SEMA4F: variants seen among roughly 807,000 people sequenced by gnomAD.
SEMA4F encodes ssemaphorin 4F.
SEMA4F carries 51 observed loss-of-function variants against 78.4 expected under a neutral mutation model. The ratio of observed to expected loss-of-function variants is 0.65; its 90% confidence interval spans 0.52 to 0.82. SEMA4F has a LOEUF of 0.82. SEMA4F is among the 40% of genes least tolerant of loss of function. The pLI, the probability that SEMA4F is intolerant of heterozygous loss-of-function variation, is 0.00. For missense variants in SEMA4F, 938 were observed against 1,014.4 expected, an observed-to-expected ratio of 0.92 and a Z score of 1.02; for synonymous variants, 418 against 408.7, an observed-to-expected ratio of 1.02 and a Z score of -0.27.
chr2:74,700,095 GGT>G, the SEMA4F span, among the ~76,000 whole-genome samples: 2 of 152,128 alleles, frequency 1.3e-5, no homozygotes, highest in East Asian at 3.9e-4. Context: ...CGGCTGACAT[GGT>G]CTTGAGGAAG....
At chr2:74,704,192 T>A in the SEMA4F span, among the ~76,000 whole-genome samples, 1 of 151,882 alleles carries the variant, frequency 6.6e-6, no homozygotes, top group Non-Finnish European at 1.5e-5. Flanking sequence ...AATTGGGGCC[T>A]TAGATGAGTC....
chr2:74,657,810 T>C (rs745675039), intron 3 of SEMA4F, 43 bp from the exon 4 acceptor site: 1 of 1,574,746 alleles, frequency 6.4e-7, no homozygotes, highest in East Asian at 2.2e-5. Context: ...CCCTTCCTCG[T>C]ACCTGCTGCT....
rs1314620265 is a variant in SEMA4F, at chr2:74,681,309, G to C, written c.*1100G>C. On this transcript the variant is annotated 3_prime_UTR_variant, in exon 14 of 14. Coordinates refer to ENST00000357877, the MANE Select transcript of SEMA4F (RefSeq NM_004263.5). ...TGAAATTGTATGCAAAATGTTGTTT[G>C]TACATGTGTGTCTGTATGTCTCTGT... The C allele has an allele frequency of 6.6e-6, 1 of 152,606 alleles. No individual in the cohort carries two copies. The highest frequency in any genetic ancestry group is 1.5e-5 in the Non-Finnish European group (1 of 68,040). 9.5% of individuals were successfully genotyped at this position (152,606 alleles called of 1,614,324 possible).
rs1685192701 is a variant in SEMA4F at position 74,675,036 on chromosome 2, G to A, written c.1149+1G>A. ...TGTGCCCCAGCCCAGACCTGGAGAG[G>A]TGAGGGGGCAGATCTTCATTCTAGG... On this transcript the variant is annotated splice_donor_variant, in intron 9 of 13. Coordinates refer to ENST00000357877, the MANE Select transcript of SEMA4F (RefSeq NM_004263.5). LOFTEE classifies it high-confidence loss of function. 6.2e-7 allele frequency: 1 copy of A among 1,613,870 alleles called. No homozygotes were observed. Among genetic ancestry groups the A allele is most frequent in the Non-Finnish European group, 8.5e-7 (1 of 1,180,014 alleles).
chr2:74,661,890 C>T (rs1005603287), intron 4 of SEMA4F, among the ~76,000 whole-genome samples: 4 of 152,298 alleles, frequency 2.6e-5, no homozygotes, highest in South Asian at 2.1e-4. Flanking sequence ...CTGGCATTTC[C>T]GTGCCATAAC....
At chr2:74,701,052 G>A in the SEMA4F span, among the ~76,000 whole-genome samples, 1 of 151,442 alleles carries the variant, frequency 6.6e-6, no homozygotes, top group East Asian at 2.0e-4. Flanking sequence ...GGGGATCTCT[G>A]ATGGGTGGGG....
Position 74,656,617 on chromosome 2 carries a change from C to G in SEMA4F, c.229C>G (p.Leu77Val), listed in dbSNP as rs762638118. ...CCTTGTGGATCCTGCCTCCCACACA[C>G]TTTATGTTGGCGCCCGGGACACCAT... ...VLLVDPASHT[L>V]YVGARDTIFA... The change falls in exon 2 of 14, where the codon CTT (leucine) becomes GTT (valine). Residue 77 changes from leucine (L) to valine (V), a missense_variant. Coordinates refer to ENST00000357877, the MANE Select transcript of SEMA4F (RefSeq NM_004263.5). 6 of 1,614,086 alleles carry G rather than the reference C, an allele frequency of 3.7e-6. No individual in the cohort carries two copies. The Admixed American group carries it at 5.0e-5, about 13-fold the overall frequency.
the SEMA4F span, among the ~76,000 whole-genome samples, chr2:74,708,946 G>C: frequency 2.6e-5 from 4 of 152,046 alleles, no homozygotes; most frequent in Admixed American, 2.6e-4. Flanking sequence ...TAAGAGGATC[G>C]CTTGAGCCCA....
At chr2:74,661,931 CCT>C (rs1558720810) in intron 4 of SEMA4F, among the ~76,000 whole-genome samples, 1 of 152,172 alleles carries the variant, frequency 6.6e-6, no homozygotes, top group Non-Finnish European at 1.5e-5. Flanking sequence ...TGTTAACTTC[CCT>C]CTCAGTCCTA....
At chr2:74,676,152 A>G (rs1685271188) in intron 12 of SEMA4F, among the ~76,000 whole-genome samples, 1 of 152,204 alleles carries the variant, frequency 6.6e-6, no homozygotes, top group South Asian at 2.1e-4. Flanking sequence ...ACAGTGTGCC[A>G]TCTCTAGTGG....
Position 74,656,703 on chromosome 2 carries a change from G to A in SEMA4F, c.297+18G>A. On this transcript the variant is annotated intron_variant, in intron 2 of 13. Transcript: ENST00000357877. ...CCCGCAGGGTGAGAGACAAGAGAGG[G>A]AAGGACCCCTGACCCTGTAGCATGT... is the stretch of plus-strand genomic sequence containing the variant. 6.2e-7 allele frequency: 1 copy of A among 1,613,604 alleles called. No individual in the cohort carries two copies. The highest frequency in any genetic ancestry group is 8.5e-7 in the Non-Finnish European group (1 of 1,179,596).
chr2:74,692,916 T>C, the SEMA4F span, among the ~76,000 whole-genome samples: 1 of 152,232 alleles, frequency 6.6e-6, no homozygotes, highest in African/African-American at 2.4e-5. Context: ...TATTTGTGGG[T>C]GAAAGAAATT....
At chr2:74,694,841 A>G in the SEMA4F span, among the ~76,000 whole-genome samples, 1 of 152,214 alleles carries the variant, frequency 6.6e-6, no homozygotes, top group African/African-American at 2.4e-5. Flanking sequence ...CAATATGTAC[A>G]TTGACTGGTT....
the SEMA4F span, among the ~76,000 whole-genome samples, chr2:74,698,580 G>A: frequency 2.0e-5 from 3 of 152,188 alleles, no homozygotes; most frequent in South Asian, 4.1e-4. Flanking sequence ...AGGGGGCCCT[G>A]CCTCAAAGGA....
In SEMA4F at chr2:74,680,188, A is replaced by G. The variant is rs747355424; in HGVS notation, c.2292A>G (p.Thr764=). 6.3e-7 allele frequency: 1 copy of G among 1,580,610 alleles called. No individual in the cohort carries two copies. Among genetic ancestry groups the G allele is most frequent in the Non-Finnish European group, 8.6e-7 (1 of 1,158,660 alleles). ...HIRLTGAPLA[T]CDETSI is the part of the protein sequence containing the mutation. Reference sequence around the variant, plus strand: ...GGCTAACTGGGGCTCCTCTAGCCACATGTGATGAAACATCCATCTAGAGCT... The same window carrying G: ...GGCTAACTGGGGCTCCTCTAGCCACGTGTGATGAAACATCCATCTAGAGCT... Residue 764 remains threonine (T), a synonymous_variant, in exon 14 of 14, where the codon ACA becomes ACG. Transcript: ENST00000357877.
At chr2:74,655,372 T>G (rs1374788975) in intron 1 of SEMA4F, 2 of 320,884 alleles carry the variant, frequency 6.2e-6, no homozygotes, top group Non-Finnish European at 1.3e-5. Context: ...CGATTCACAT[T>G]TTAGACTCTG....
At chr2:74,694,494 A>G in the SEMA4F span, among the ~76,000 whole-genome samples, 1 of 152,198 alleles carries the variant, frequency 6.6e-6, no homozygotes, top group African/African-American at 2.4e-5. Flanking sequence ...AGCCAAGTCT[A>G]TCTGCTCCAC....
chr2:74,701,157 A>G, the SEMA4F span, among the ~76,000 whole-genome samples: 43,084 of 151,802 alleles, frequency 0.28, 9,059 homozygotes, highest in East Asian at 0.82. Context: ...ACGGGCATGG[A>G]GGTCTCCATT....
rs896727564 is a variant in SEMA4F at position 74,680,816 on chromosome 2, A to T, written c.*607A>T. On this transcript the variant is annotated 3_prime_UTR_variant, in exon 14 of 14. Coordinates refer to ENST00000357877, the MANE Select transcript of SEMA4F (RefSeq NM_004263.5). ...ACTGGGCCGATGCTTAGGAATATTT[A>T]TGAGGGATGGGGAGGGAGACAATTG... The T allele has an allele frequency of 2.6e-5, 4 of 152,220 alleles. No individual in the cohort carries two copies. The highest frequency in any genetic ancestry group is 4.8e-5 in the African/African-American group (2 of 41,416). 9.4% of individuals were successfully genotyped at this position (152,220 alleles called of 1,614,324 possible). A position where few individuals can be genotyped will look rare whatever the true frequency, so the allele number is the denominator to read the frequency against.
Sources: gnomAD v4.1 joint callset for allele counts (sites outside exome capture counted in the v4.1 genomes callset) on GRCh38, gnomAD v4.1.1 for gene constraint, MANE v1.5 for transcripts, NCBI Gene and HGNC (gene_info 2026-07-23, HGNC 2026-07-21) for gene names.